COLEC12: variants seen among roughly 807,000 people sequenced by gnomAD.
COLEC12 encodes the protein collectin-12.
COLEC12 carries 33 observed loss-of-function variants against 71.1 expected under a neutral mutation model. That is an observed-to-expected ratio of 0.46 (90% CI 0.35 to 0.62). The LOEUF (loss-of-function observed/expected upper bound fraction) is 0.62. Ranked by LOEUF, COLEC12 falls within the 20% of genes least tolerant of loss-of-function variation. The pLI is 0.00. For missense variants in COLEC12, 765 were observed against 916.1 expected, an observed-to-expected ratio of 0.84 and a Z score of 2.13; for synonymous variants, 350 against 353.0, an observed-to-expected ratio of 0.99 and a Z score of 0.10.
intron 2 of COLEC12, among the ~76,000 whole-genome samples, chr18:477,960 A>G (rs1917337319): frequency 6.6e-6 from 1 of 152,182 alleles, no homozygotes; most frequent in South Asian, 2.1e-4. Context: ...ACCATGCCTG[A>G]AGAAATGGGT....
At chr18:453,166 G>T (rs1242065513) in intron 2 of COLEC12, among the ~76,000 whole-genome samples, 4 of 152,158 alleles carry the variant, frequency 2.6e-5, no homozygotes, top group African/African-American at 9.7e-5. Context: ...AGTGAACTTA[G>T]CAAGCAAGAA....
intron 2 of COLEC12, among the ~76,000 whole-genome samples, chr18:385,735 A>G (rs17550086): frequency 0.2 from 29,681 of 152,104 alleles, 3,113 homozygotes; most frequent in Middle Eastern, 0.29. Context: ...ATGTTTCCCC[A>G]TAGAGATAAT....
intron 5 of COLEC12, among the ~76,000 whole-genome samples, chr18:337,005 T>A (rs993988742): frequency 6.6e-6 from 1 of 151,590 alleles, no homozygotes; most frequent in African/African-American, 2.4e-5. Flanking sequence ...ACTAGAGGCT[T>A]GTGCCACATT....
At position 388,788 on chromosome 18, in the gene COLEC12, G is replaced by A. The variant is rs568522806; in HGVS notation, c.59-31266C>T. On this transcript the variant is annotated intron_variant, in intron 2 of 9. Coordinates refer to ENST00000400256, the MANE Select transcript of COLEC12 (RefSeq NM_130386.3). Reference sequence around the variant, plus strand: ...TCACAGAAATGGACTAAACAGAGATGAGGTTGAAGAAACAACTGAAGGTAA... The same window carrying A: ...TCACAGAAATGGACTAAACAGAGATAAGGTTGAAGAAACAACTGAAGGTAA... Among the ~76,000 whole-genome samples the A allele has an allele frequency of 1.1e-4, 17 of 152,320 alleles. No individual in the cohort carries two copies. In the South Asian group the frequency reaches 3.5e-3, roughly 32 times the overall value.
intron 2 of COLEC12, among the ~76,000 whole-genome samples, chr18:412,879 C>T (rs1260567134): frequency 1.3e-5 from 2 of 152,130 alleles, no homozygotes; most frequent in African/African-American, 2.4e-5. Context: ...AGATAACCCA[C>T]TGGCAGGCAA....
intron 2 of COLEC12, among the ~76,000 whole-genome samples, chr18:454,910 T>C (rs374231824): frequency 2.0e-5 from 3 of 152,210 alleles, no homozygotes; most frequent in East Asian, 1.9e-4. Context: ...AACAAATAAA[T>C]GTTGAGCCAT....
chr18:471,776 G>A (rs1705500809), intron 2 of COLEC12, among the ~76,000 whole-genome samples: 1 of 151,950 alleles, frequency 6.6e-6, no homozygotes, highest in Non-Finnish European at 1.5e-5. Flanking sequence ...AGTGGCTAAA[G>A]TGCTTAATTC....
Position 399,953 on chromosome 18 carries a change from G to A in COLEC12, c.59-42431C>T, listed in dbSNP as rs1407271528. ...TTGTTAAAGGGTGGTGGGGGCGGGTGGGGGATAGTGACTGAAGAGGCTGTA... is the reference window on the plus strand; with the variant it reads ...TTGTTAAAGGGTGGTGGGGGCGGGTAGGGGATAGTGACTGAAGAGGCTGTA... On this transcript the variant is annotated intron_variant, in intron 2 of 9. Coordinates refer to ENST00000400256, the MANE Select transcript of COLEC12 (RefSeq NM_130386.3). The surrounding 1 kb of genome is among the most constrained non-coding windows in gnomAD (Gnocchi z 4.0). Among the ~76,000 whole-genome samples, 1 of 152,142 alleles carries A rather than the reference G, an allele frequency of 6.6e-6. No homozygotes were observed. The highest frequency in any genetic ancestry group is 1.5e-5 in the Non-Finnish European group (1 of 68,018).
At chr18:470,283 G>A (rs985052466) in intron 2 of COLEC12, among the ~76,000 whole-genome samples, 1 of 141,042 alleles carries the variant, frequency 7.1e-6, no homozygotes, top group African/African-American at 2.7e-5. Context: ...CCAGGCTGGA[G>A]TGCAGTGGTG....
chr18:324,183 G>T (rs987848108), intron 8 of COLEC12, among the ~76,000 whole-genome samples: 2 of 152,132 alleles, frequency 1.3e-5, no homozygotes, highest in African/African-American at 4.8e-5. Flanking sequence ...ATCACATGGA[G>T]TGATTTGTGG....
intron 2 of COLEC12, among the ~76,000 whole-genome samples, chr18:393,106 A>G (rs1231907995): frequency 6.6e-6 from 1 of 152,262 alleles, no homozygotes; most frequent in Non-Finnish European, 1.5e-5. Flanking sequence ...CAGCAGGCTT[A>G]GGCTGAATTG....
chr18:378,366 G>T (rs1249386784), intron 2 of COLEC12, among the ~76,000 whole-genome samples: 3 of 152,198 alleles, frequency 2.0e-5, no homozygotes, highest in African/African-American at 7.2e-5. Context: ...CAGAAGGATG[G>T]CTATTTTAAG....
At chr18:491,053 T>C (rs542239609) in intron 1 of COLEC12, among the ~76,000 whole-genome samples, 11 of 152,366 alleles carry the variant, frequency 7.2e-5, no homozygotes, top group Non-Finnish European at 1.2e-4. Flanking sequence ...CCAAACCAGC[T>C]GGTTGAAGAA....
At chr18:387,663 G>A (rs914640079) in intron 2 of COLEC12, among the ~76,000 whole-genome samples, 2 of 152,058 alleles carry the variant, frequency 1.3e-5, no homozygotes, top group African/African-American at 4.8e-5. Context: ...AACCATATAC[G>A]GCTGTGTATT....
intron 2 of COLEC12, among the ~76,000 whole-genome samples, chr18:468,007 T>C (rs1362749597): frequency 6.6e-6 from 1 of 152,180 alleles, no homozygotes; most frequent in African/African-American, 2.4e-5. Flanking sequence ...CTCACACCTG[T>C]AATTCCAGCA....
At chr18:464,843 T>C (rs1024563670) in intron 2 of COLEC12, among the ~76,000 whole-genome samples, 6 of 152,200 alleles carry the variant, frequency 3.9e-5, no homozygotes, top group African/African-American at 1.4e-4. Context: ...TCATTCCTTA[T>C]TCCTATTGAG....
intron 2 of COLEC12, among the ~76,000 whole-genome samples, chr18:378,291 A>G (rs529623205): frequency 1.1e-3 from 168 of 152,354 alleles, no homozygotes; most frequent in Non-Finnish European, 1.9e-3. Flanking sequence ...CAGGCTGCAC[A>G]GAGCTGAGGG....
At position 346,648 on chromosome 18, in the gene COLEC12, G is replaced by C. The variant is rs759749753; in HGVS notation, c.974C>G (p.Thr325Arg). 2 of 1,614,068 alleles carry C rather than the reference G, an allele frequency of 1.2e-6. No homozygotes were observed. The highest frequency in any genetic ancestry group is 1.3e-5 in the African/African-American group (1 of 74,928). ...CTCCAGTTGGTTGAACTTGATGGCT[G>C]TTCTATTCTCTGCATCTTTGTGTAA... ...QDLHKDAENR[T>R]AIKFNQLEER... Residue 325 changes from threonine (T) to arginine (R), a missense_variant, in exon 5 of 10, where the codon ACA (threonine) becomes AGA (arginine). By Grantham distance (71) the Thr-to-Arg change is moderately conservative (BLOSUM62 -1). Coordinates refer to ENST00000400256, the MANE Select transcript of COLEC12 (RefSeq NM_130386.3). The surrounding 1 kb of genome is among the most constrained non-coding windows in gnomAD (Gnocchi z 4.0).
At chr18:429,239 C>T (rs62089977) in intron 2 of COLEC12, among the ~76,000 whole-genome samples, 32,279 of 151,980 alleles carry the variant, frequency 0.21, 3,751 homozygotes, top group African/African-American at 0.28. Context: ...AACAAGAACA[C>T]GTTGTCTCTC....
Sources: gnomAD v4.1 joint callset for allele counts (sites outside exome capture counted in the v4.1 genomes callset) on GRCh38, gnomAD v4.1.1 for gene constraint, Gnocchi (gnomAD v3.1) non-coding constraint, MANE v1.5 for transcripts, NCBI Gene and HGNC (gene_info 2026-07-23, HGNC 2026-07-21) for gene names.